Variants in CNTN3 observed in about 807,000 individuals in gnomAD.
CNTN3 encodes contactin 3, also known as contactin-3.
A neutral mutation model predicts 119.1 loss-of-function variants in CNTN3; 60 were observed. The ratio of observed to expected loss-of-function variants is 0.50; its 90% CI spans 0.41 to 0.62. The LOEUF is 0.62. Among genes scored for constraint, CNTN3 ranks in the 20% least tolerant of loss-of-function variants. The pLI, the probability that CNTN3 is intolerant of heterozygous loss-of-function variation, is 0.00. For missense variants in CNTN3, 1,101 were observed against 1,242.4 expected (o/e 0.89, Z 1.71); for synonymous variants, 450 against 438.7 (o/e 1.03, Z -0.32).
At chr3:74,389,492 T>C (rs1704839665) in intron 5 of CNTN3, among the ~76,000 whole-genome samples, 1 of 152,224 alleles carries the variant, frequency 6.6e-6, no homozygotes. Context: ...GAGAAAAGTA[T>C]TTTATAGTTG....
At chr3:74,275,281 T>C (rs1424060121) in intron 20 of CNTN3, among the ~76,000 whole-genome samples, 3 of 152,088 alleles carry the variant, frequency 2.0e-5, no homozygotes, top group African/African-American at 7.2e-5. Flanking sequence ...GATATCCAAA[T>C]ACAAGAACCA....
At chr3:74,382,444 G>A (rs987090617) in intron 5 of CNTN3, among the ~76,000 whole-genome samples, 3 of 151,958 alleles carry the variant, frequency 2.0e-5, no homozygotes, top group Non-Finnish European at 2.9e-5. Context: ...CAGTTCCATA[G>A]ATCTCAAAAA....
chr3:74,588,558 C>A (rs953259356), intron 1 of CNTN3, among the ~76,000 whole-genome samples: 10 of 151,992 alleles, frequency 6.6e-5, no homozygotes, highest in African/African-American at 2.2e-4. Flanking sequence ...TCAATGCCAT[C>A]CCCATCAAGC....
At chr3:74,324,205 CTCT>C (rs201638564) in intron 13 of CNTN3, among the ~76,000 whole-genome samples, 38 of 137,234 alleles carry the variant, frequency 2.8e-4, no homozygotes, top group East Asian at 7.2e-4. Flanking sequence ...CTCAAACTAA[CTCT>C]TCTTCTTCTT....
intron 2 of CNTN3, among the ~76,000 whole-genome samples, chr3:74,506,989 C>T (rs1453137977): frequency 6.6e-6 from 1 of 151,718 alleles, no homozygotes; most frequent in Admixed American, 6.6e-5. Flanking sequence ...CCAGTTAGGA[C>T]CAGACACAAT....
chr3:74,534,500 A>C lies in CNTN3; in HGVS notation c.-80-13308T>G, dbSNP rs1050283018. 3.3e-5 allele frequency among the ~76,000 whole-genome samples: 5 copies of C among 152,040 alleles called. No homozygotes were observed. The South Asian group carries it at 6.2e-4, about 19-fold the overall frequency. On this transcript the variant is annotated intron_variant, in intron 1 of 22. Coordinates refer to ENST00000263665, the MANE Select transcript of CNTN3 (RefSeq NM_020872.3). ...GCAAAGATCTTTCCATTTTATGTTA[A>C]GCTTCTAAGTCAGTGTTTCTCAAAC...
chr3:74,402,103 T>C (rs1189486736), intron 5 of CNTN3, among the ~76,000 whole-genome samples: 1 of 152,160 alleles, frequency 6.6e-6, no homozygotes, highest in Non-Finnish European at 1.5e-5. Context: ...TGTGGATATA[T>C]TATAGGGTAG....
intron 20 of CNTN3, 35 bp from the exon 21 acceptor site, chr3:74,267,413 C>G: frequency 7.0e-7 from 1 of 1,431,206 alleles, no homozygotes; most frequent in Middle Eastern, 1.7e-4. Flanking sequence ...TAAAACAGAT[C>G]GAAGTACAAG....
chr3:74,546,004 T>C (rs1010642447), intron 1 of CNTN3, among the ~76,000 whole-genome samples: 3 of 152,142 alleles, frequency 2.0e-5, no homozygotes, highest in Non-Finnish European at 2.9e-5. Flanking sequence ...TTTCTTTTTT[T>C]TTTCTTTTTG....
At chr3:74,480,483 G>A (rs1702743467) in intron 4 of CNTN3, among the ~76,000 whole-genome samples, 1 of 151,772 alleles carries the variant, frequency 6.6e-6, no homozygotes, top group South Asian at 2.1e-4. Flanking sequence ...ACAGTCAACA[G>A]TAATACTTAA....
chr3:74,475,479 G>A (rs1702637652), intron 4 of CNTN3, among the ~76,000 whole-genome samples: 1 of 152,124 alleles, frequency 6.6e-6, no homozygotes, highest in African/African-American at 2.4e-5. Flanking sequence ...CTTAACGCTA[G>A]GGAATTGCCA....
chr3:74,485,418 GAAAT>G (rs1702834676), intron 4 of CNTN3, among the ~76,000 whole-genome samples: 1 of 151,962 alleles, frequency 6.6e-6, no homozygotes, highest in East Asian at 1.9e-4. Context: ...CCTACAGAAA[GAAAT>G]AAAGAGAAAA....
chr3:74,499,621 A>C, intron 3 of CNTN3, 38 bp downstream of exon 3: 1 of 1,573,336 alleles, frequency 6.4e-7, no homozygotes. Context: ...AAGTGTGTTT[A>C]GTTTTTTTTA....
At chr3:74,293,497 T>C (rs182525156) in intron 19 of CNTN3, among the ~76,000 whole-genome samples, 6 of 152,260 alleles carry the variant, frequency 3.9e-5, no homozygotes, top group African/African-American at 7.2e-5. Context: ...TTTTTTGAGA[T>C]AGAATCTCAG....
chr3:74,591,123 A>G (rs563041496), intron 1 of CNTN3, among the ~76,000 whole-genome samples: 1 of 152,096 alleles, frequency 6.6e-6, no homozygotes, highest in South Asian at 2.1e-4. Flanking sequence ...ACAACAGATT[A>G]TATTACAAAT....
chr3:74,421,214 A>C (rs955368681), intron 5 of CNTN3, among the ~76,000 whole-genome samples: 10 of 152,108 alleles, frequency 6.6e-5, no homozygotes, highest in African/African-American at 1.9e-4. Flanking sequence ...TCTGTTGCCC[A>C]GGCTGGAGTG....
intron 20 of CNTN3, among the ~76,000 whole-genome samples, chr3:74,279,948 T>C (rs1197796361): frequency 1.3e-5 from 2 of 152,106 alleles, no homozygotes; most frequent in East Asian, 3.9e-4. Context: ...ACCTACTATT[T>C]GATAGCATAA....
intron 5 of CNTN3, among the ~76,000 whole-genome samples, chr3:74,417,462 A>G (rs1461041780): frequency 1.3e-5 from 2 of 152,254 alleles, no homozygotes; most frequent in Non-Finnish European, 2.9e-5. Context: ...TATAAGACAT[A>G]TCACATCTTC....
chr3:74,299,994 C>T (rs1395984913), intron 16 of CNTN3, 56 bp from the exon 17 acceptor site: 2 of 1,128,358 alleles, frequency 1.8e-6, no homozygotes, highest in Non-Finnish European at 2.5e-6. Context: ...TAATATTTAT[C>T]TAAAAGATAA....
Sources: gnomAD v4.1 joint callset for allele counts (sites outside exome capture counted in the v4.1 genomes callset) on GRCh38, gnomAD v4.1.1 for gene constraint, MANE v1.5 for transcripts, NCBI Gene and HGNC (gene_info 2026-07-23, HGNC 2026-07-21) for gene names.